PRKN: variants seen among roughly 807,000 people sequenced by gnomAD.
PRKN encodes E3 ubiquitin-protein ligase parkin.
In PRKN, 56 loss-of-function variants were observed where a neutral mutation model predicts 59.5. The observed-to-expected ratio is 0.94, with a 90% CI of 0.76 to 1.18. PRKN has a LOEUF of 1.18. Among genes scored for constraint, PRKN ranks in the 50% most tolerant of loss-of-function variants. The pLI is 0.00. For synonymous variants in PRKN, 250 were observed against 222.1 expected (o/e 1.13, Z -1.12); for missense variants, 657 against 596.4 (o/e 1.10, Z -1.06).
intron 2 of PRKN, among the ~76,000 whole-genome samples, chr6:162,375,491 T>G (rs1025261698): frequency 1.3e-5 from 2 of 151,936 alleles, no homozygotes; most frequent in African/African-American, 4.8e-5. Context: ...ATAGACTGCA[T>G]GGAGTTGCTT....
At chr6:161,729,392 G>T (rs377206951) in intron 7 of PRKN, among the ~76,000 whole-genome samples, 2 of 151,496 alleles carry the variant, frequency 1.3e-5, no homozygotes, top group African/African-American at 4.8e-5. Context: ...TTTTTTTTGC[G>T]CATGTGTGTA....
Position 161,371,713 on chromosome 6 carries a change from AC to A in PRKN, c.1168-11509del, listed in dbSNP as rs1785451368. On this transcript the variant is annotated intron_variant, in intron 10 of 11. Transcript: ENST00000366898. The surrounding 1 kb of genome is among the most constrained non-coding windows in gnomAD (Gnocchi z 5.5). Reference sequence around the variant, plus strand: ...GAGTGCAATGACACAATCTCGGCTCACTACAACCTCCACCTCCTGGGTTCAA... The same window carrying A: ...GAGTGCAATGACACAATCTCGGCTCATACAACCTCCACCTCCTGGGTTCAA... 6.6e-6 allele frequency among the ~76,000 whole-genome samples: 1 copy of A among 152,106 alleles called. No individual in the cohort carries two copies. Among genetic ancestry groups the A allele is most frequent in the South Asian group, 2.1e-4 (1 of 4,818 alleles).
intron 5 of PRKN, among the ~76,000 whole-genome samples, chr6:162,033,811 CT>C: frequency 6.6e-6 from 1 of 152,218 alleles, no homozygotes; most frequent in African/African-American, 2.4e-5. Context: ...GTGTGTTTTC[CT>C]TCCATCTTTT....
At chr6:161,663,020 T>G (rs1482367277) in intron 7 of PRKN, among the ~76,000 whole-genome samples, 2 of 152,136 alleles carry the variant, frequency 1.3e-5, no homozygotes, top group African/African-American at 4.8e-5. Context: ...GTCATGATAA[T>G]GAATAAGTCT....
intron 8 of PRKN, among the ~76,000 whole-genome samples, chr6:161,557,397 T>C (rs1169356625): frequency 6.6e-6 from 1 of 152,216 alleles, no homozygotes; most frequent in African/African-American, 2.4e-5. Context: ...TTAGGAGACC[T>C]GTATTTGGGT....
At chr6:161,852,161 T>G (rs187122533) in intron 6 of PRKN, among the ~76,000 whole-genome samples, 1 of 151,162 alleles carries the variant, frequency 6.6e-6, no homozygotes. Context: ...ATAAACAACC[T>G]TTCAACAGGA....
At chr6:162,695,601 T>C (rs901418131) in intron 1 of PRKN, among the ~76,000 whole-genome samples, 25 of 152,186 alleles carry the variant, frequency 1.6e-4, no homozygotes, top group African/African-American at 6.0e-4. Context: ...ACTTTACTGT[T>C]CAACACTATT....
Position 161,444,801 on chromosome 6 carries a change from T to G in PRKN, c.1084-57924A>C, listed in dbSNP as rs1789410072. ...TCTTTACATGTCGTTTATTTTGCATTTCAAATGCTTTGAAAAAAGCCTTCC... is the reference window on the plus strand; with the variant it reads ...TCTTTACATGTCGTTTATTTTGCATGTCAAATGCTTTGAAAAAAGCCTTCC... On this transcript the variant is annotated intron_variant, in intron 9 of 11. Transcript: ENST00000366898. The surrounding 1 kb of genome is among the most constrained non-coding windows in gnomAD (Gnocchi z 5.6). 6.6e-6 allele frequency among the ~76,000 whole-genome samples: 1 copy of G among 152,254 alleles called. No individual in the cohort carries two copies. The highest frequency in any genetic ancestry group is 2.4e-5 in the African/African-American group (1 of 41,470).
At chr6:161,622,507 G>A (rs563797089) in intron 7 of PRKN, among the ~76,000 whole-genome samples, 14 of 152,260 alleles carry the variant, frequency 9.2e-5, no homozygotes, top group African/African-American at 2.9e-4. Flanking sequence ...CCAGCAGGAA[G>A]CAGAGCCACA....
At chr6:162,270,448 C>T (rs1583294554) in intron 2 of PRKN, 1 of 152,082 alleles carries the variant, frequency 6.6e-6, no homozygotes, top group African/African-American at 2.4e-5. Context: ...ACCAGGATCT[C>T]ACAAATCACC....
chr6:162,662,759 T>C (rs1778938613), intron 1 of PRKN, among the ~76,000 whole-genome samples: 1 of 152,224 alleles, frequency 6.6e-6, no homozygotes, highest in Non-Finnish European at 1.5e-5. Flanking sequence ...TTCTGGTTTC[T>C]CTATCCTGTT....
At chr6:162,603,745 G>A (rs907901077) in intron 1 of PRKN, among the ~76,000 whole-genome samples, 25 of 152,084 alleles carry the variant, frequency 1.6e-4, no homozygotes, top group African/African-American at 6.0e-4. Context: ...AAATTCATGA[G>A]CTGCTTGAGA....
chr6:161,563,670 A>C (rs1014090508), intron 8 of PRKN, among the ~76,000 whole-genome samples: 1 of 152,218 alleles, frequency 6.6e-6, no homozygotes, highest in Non-Finnish European at 1.5e-5. Flanking sequence ...CATAGTGTTT[A>C]ATTTTTAATC....
intron 7 of PRKN, among the ~76,000 whole-genome samples, chr6:161,759,312 C>G (rs1789090789): frequency 6.6e-6 from 1 of 152,146 alleles, no homozygotes; most frequent in African/African-American, 2.4e-5. Flanking sequence ...CCCTCAGTAA[C>G]TAGGATCTAG....
chr6:162,559,150 CAA>C (rs67508754), intron 1 of PRKN, among the ~76,000 whole-genome samples: 4 of 102,186 alleles, frequency 3.9e-5, no homozygotes, highest in South Asian at 3.5e-4. Context: ...GATTCCGTCT[CAA>C]AAAAAAAAAA....
rs1237789575 is a variant in PRKN at position 161,538,095 on chromosome 6, A to T, written c.1083+10759T>A. 6.6e-6 allele frequency among the ~76,000 whole-genome samples: 1 copy of T among 152,222 alleles called. No individual in the cohort carries two copies. Among genetic ancestry groups the T allele is most frequent in the African/African-American group, 2.4e-5 (1 of 41,458 alleles). On this transcript the variant is annotated intron_variant, in intron 9 of 11. Transcript: ENST00000366898. The surrounding 1 kb of genome is among the most constrained non-coding windows in gnomAD (Gnocchi z 4.2). ...ACTTTGATTGGATAAAGAAACAGGC[A>T]TTCTTGGCCTTCTTCTACAGAAAGG...
chr6:162,616,320 T>C (rs549123684), intron 1 of PRKN, among the ~76,000 whole-genome samples: 13 of 152,256 alleles, frequency 8.5e-5, no homozygotes, highest in African/African-American at 3.1e-4. Flanking sequence ...TTTCTATCTC[T>C]AGCATCTAAC....
rs140394661 is a variant in PRKN, at chr6:162,457,854, C to T, written c.8-14381G>A. 2.9e-3 allele frequency among the ~76,000 whole-genome samples: 438 copies of T among 152,204 alleles called. 1 individual carries two copies. Among genetic ancestry groups the T allele is most frequent in the African/African-American group, 0.01 (421 of 41,542 alleles). ...AGAGGTTTGTGGCCGGGCGTGGTGG[C>T]TCTCATCTGTAATCCCAGCACTTTG... On this transcript the variant is annotated intron_variant, in intron 1 of 11. Coordinates refer to ENST00000366898, the MANE Select transcript of PRKN (RefSeq NM_004562.3).
chr6:162,689,565 T>A (rs1422745122), intron 1 of PRKN, among the ~76,000 whole-genome samples: 1 of 152,240 alleles, frequency 6.6e-6, no homozygotes, highest in Non-Finnish European at 1.5e-5. Context: ...CAAACTAATC[T>A]TTTTGGCAGG....
Sources: gnomAD v4.1 joint callset for allele counts (sites outside exome capture counted in the v4.1 genomes callset) on GRCh38, gnomAD v4.1.1 for gene constraint, Gnocchi (gnomAD v3.1) non-coding constraint, MANE v1.5 for transcripts, NCBI Gene and HGNC (gene_info 2026-07-23, HGNC 2026-07-21) for gene names.